Variants in WAS observed in about 807,000 individuals in gnomAD.
WAS encodes WASP actin nucleation promoting factor, also known as actin nucleation-promoting factor WAS.
A neutral mutation model predicts 38.9 loss-of-function variants in WAS; 1 was observed. The observed-to-expected ratio is 0.03, with a 90% CI of 0.01 to 0.12. WAS has a LOEUF of 0.12. Ranked by LOEUF, WAS falls within the 10% of genes least tolerant of loss-of-function variation. WAS has a pLI of 1.00. For synonymous variants in WAS, 182 were observed against 173.6 expected, an observed-to-expected ratio of 1.05 and a Z score of -0.38; for missense variants, 311 against 431.2, an observed-to-expected ratio of 0.72 and a Z score of 2.47.
intron 10 of WAS, 30 bp downstream of exon 10, chrX:48,689,096 G>C (rs1569494096): frequency 1.7e-6 from 2 of 1,178,425 alleles, no homozygotes; most frequent in South Asian, 3.6e-5. Context: ...AGGATTGGGG[G>C]TCTAGGACTC....
At position 48,686,775 on chromosome X, in the gene WAS, CCA is replaced by C. The variant is rs782202951; in HGVS notation, c.560-3_560-2del. 7 of 1,210,790 alleles carry C rather than the reference CCA, an allele frequency of 5.8e-6. No homozygotes were observed. In the South Asian group the frequency reaches 1.1e-4, roughly 18 times the overall value. On this transcript the variant is annotated splice_region_variant and splice_polypyrimidine_tract_variant and intron_variant, in intron 6 of 11. Transcript: ENST00000376701. ...CAATGAGCCAACCACCCTATTTTCC[CCA>C]CAGGCCCTCCAGTGGGTCCGCTCTC...
At chrX:48,689,206 G>T in intron 10 of WAS, 114 bp from the exon 11 acceptor site, 1 of 955,428 alleles carries the variant, frequency 1.0e-6, no homozygotes. Flanking sequence ...AAGGTTGGTG[G>T]GAAGCCTTGA....
intron 7 of WAS, 140 bp downstream of exon 7, chrX:48,687,095 G>T: frequency 1.3e-6 from 1 of 795,208 alleles, no homozygotes; most frequent in African/African-American, 2.0e-5. Flanking sequence ...GGTTGGATAG[G>T]TAGGTGCAGG....
chrX:48,676,781 T>C (rs2062392020), intron 1 of WAS: 1 of 112,110 alleles, frequency 8.9e-6, no homozygotes, highest in South Asian at 3.6e-4. Context: ...TCCCCAGTGG[T>C]GCGGCCCCGG....
rs782752881 is a variant in WAS, at chrX:48,688,669, C to T, written c.941C>T (p.Pro314Leu). ...TATACCCCCTCCACAGAGCCACTTCCGCCGCCCCCACCGCCATCTCGAGGA... is the reference window on the plus strand; with the variant it reads ...TATACCCCCTCCACAGAGCCACTTCTGCCGCCCCCACCGCCATCTCGAGGA... ...RQEMRRQEPL[P>L]PPPPPSRGGN... Residue 314 changes from proline to leucine, a missense_variant, in exon 10 of 12, where the codon CCG becomes CTG. By Grantham distance (98) the Pro-to-Leu change is moderately conservative. Around this residue, in one of 4 missense-constraint regions of WAS, gnomAD observed 74 missense variants for 131.2 expected, o/e 0.56. Transcript: ENST00000376701. 17 of 1,203,301 alleles carry T rather than the reference C, an allele frequency of 1.4e-5. No individual in the cohort carries two copies. In the South Asian group the frequency reaches 1.8e-4, roughly 13 times the overall value.
chrX:48,677,885 G>A (rs782073062), intron 1 of WAS, among the ~76,000 whole-genome samples: 1 of 111,784 alleles, frequency 8.9e-6, no homozygotes, highest in African/African-American at 3.2e-5. Flanking sequence ...TCACAGCATA[G>A]CTATCCAGAC....
Position 48,684,408 on chromosome X carries a change from C to T in WAS, c.258C>T (p.Arg86=), listed in dbSNP as rs1255975476. Residue 86 remains arginine (R), a synonymous_variant, in exon 2 of 12, where the codon CGC becomes CGT. Coordinates refer to ENST00000376701, the MANE Select transcript of WAS (RefSeq NM_000377.3). ...ACCCCCAGAAGTCCTACTTCATCCGCCTTTACGGCCTTCAGGTGACCCCCC... is the reference window on the plus strand; with the variant it reads ...ACCCCCAGAAGTCCTACTTCATCCGTCTTTACGGCCTTCAGGTGACCCCCC... ...KDNPQKSYFI[R]LYGLQAGRLL... 1 of 1,206,142 alleles carries T rather than the reference C, an allele frequency of 8.3e-7. No individual in the cohort carries two copies. Among genetic ancestry groups the T allele is most frequent in the Non-Finnish European group, 1.1e-6 (1 of 893,688 alleles).
At chrX:48,689,494 C>CA in intron 11 of WAS, 60 bp downstream of exon 11, 1 of 984,082 alleles carries the variant, frequency 1.0e-6, no homozygotes, top group Non-Finnish European at 1.4e-6. Flanking sequence ...GGCCTCAAAA[C>CA]AATCCCAGCA....
rs144372473 is a variant in WAS at position 48,683,883 on chromosome X, C to T, written c.30C>T (p.Pro10=). The T allele has an allele frequency of 3.7e-5, 45 of 1,209,437 alleles. No individual in the cohort carries two copies. The highest frequency in any genetic ancestry group is 5.3e-5 in the African/African-American group (3 of 57,034). MSGGPMGGR[P]GGRGAPAVQQ... The stretch of plus-strand genomic sequence containing the variant: ...GTGGGGGCCCAATGGGAGGAAGGCC[C>T]GGGGGCCGAGGAGCACCAGCGGTTC... The change falls in exon 1 of 12, where the codon CCC becomes CCT. Residue 10 remains proline, a synonymous_variant. Coordinates refer to ENST00000376701, the MANE Select transcript of WAS (RefSeq NM_000377.3).
upstream of WAS, among the ~76,000 whole-genome samples, chrX:48,681,184 T>C (rs1352020244): frequency 9.0e-6 from 1 of 111,427 alleles, no homozygotes; most frequent in African/African-American, 3.3e-5. Flanking sequence ...TTGTGTTTTT[T>C]TTTGAGATGG....
upstream of WAS, among the ~76,000 whole-genome samples, chrX:48,681,194 G>A (rs73209755): frequency 0.032 from 3,505 of 111,132 alleles, 51 homozygotes; most frequent in Non-Finnish European, 0.048. Flanking sequence ...TTTTGAGATG[G>A]AGTCTTGCTC....
At chrX:48,684,542 C>T in intron 2 of WAS, 119 bp downstream of exon 2, 1 of 981,811 alleles carries the variant, frequency 1.0e-6, no homozygotes, top group Non-Finnish European at 1.4e-6. Flanking sequence ...TCCCTGAGCC[C>T]CAGAACCAAA....
chrX:48,688,911 C>T lies in WAS; in HGVS notation c.1183C>T (p.Pro395Ser). The change falls in exon 10 of 12, where the codon CCA becomes TCA. Residue 395 changes from proline (P) to serine (S), a missense_variant. Pro to Ser is a moderately conservative substitution (Grantham distance 74). Coordinates refer to ENST00000376701, the MANE Select transcript of WAS (RefSeq NM_000377.3). ...PPGAGGPPMP[P>S]PPPPPPPPPS... ...TGGAGCTGGTGGGCCACCCATGCCA[C>T]CACCACCGCCACCACCGCCACCGCC... is the stretch of plus-strand genomic sequence containing the variant. The T allele has an allele frequency of 8.7e-7, 1 of 1,151,210 alleles. No homozygotes were observed. The highest frequency in any genetic ancestry group is 1.2e-6 in the Non-Finnish European group (1 of 864,770). The allele number at this position is 1,151,210 out of a possible 1,213,427, so 94.9% of individuals were successfully genotyped here.
chrX:48,689,256 G>A, intron 10 of WAS, 64 bp from the exon 11 acceptor site: 1 of 1,026,202 alleles, frequency 9.7e-7, no homozygotes, highest in East Asian at 3.3e-5. Context: ...ATTGATGGAG[G>A]GGCGGGGAGA....
chrX:48,680,714 C>CT (rs1380007109), upstream of WAS, among the ~76,000 whole-genome samples: 2 of 111,896 alleles, frequency 1.8e-5, no homozygotes, highest in Non-Finnish European at 3.8e-5. Flanking sequence ...TTGCCCACCC[C>CT]TTTCCTGGAA....
At chrX:48,685,081 A>G (rs1175891564) in intron 2 of WAS, among the ~76,000 whole-genome samples, 1 of 110,991 alleles carries the variant, frequency 9.0e-6, no homozygotes, top group East Asian at 2.8e-4. Context: ...CTCCTAAACC[A>G]TAACTCTCTC....
chrX:48,680,026 A>G (rs1285292214), upstream of WAS, among the ~76,000 whole-genome samples: 2 of 111,450 alleles, frequency 1.8e-5, no homozygotes, highest in Non-Finnish European at 3.8e-5. Flanking sequence ...CCCAAAGGAA[A>G]AAGACTGCAG....
intron 10 of WAS, 70 bp downstream of exon 10, chrX:48,689,136 G>C (rs948156852): frequency 3.7e-6 from 4 of 1,091,882 alleles, no homozygotes; most frequent in Admixed American, 4.5e-5. Context: ...CAGGATACTG[G>C]GGGGCTGAGG....
Position 48,688,910 on chromosome X carries a change from A to G in WAS, c.1182A>G (p.Pro394=), listed in dbSNP as rs1557007260. Residue 394 remains proline (P), a synonymous_variant, in exon 10 of 12, where the codon CCA becomes CCG. Transcript: ENST00000376701. Reference sequence around the variant, plus strand: ...CTGGAGCTGGTGGGCCACCCATGCCACCACCACCGCCACCACCGCCACCGC... The same window carrying G: ...CTGGAGCTGGTGGGCCACCCATGCCGCCACCACCGCCACCACCGCCACCGC... ...PPPGAGGPPM[P]PPPPPPPPPP... 8.9e-7 allele frequency: 1 copy of G among 1,127,311 alleles called. No homozygotes were observed. Among genetic ancestry groups the G allele is most frequent in the African/African-American group, 1.9e-5 (1 of 51,642 alleles). The allele number at this position is 1,127,311 out of a possible 1,213,427, so 92.9% of individuals were successfully genotyped here.
Sources: allele counts gnomAD v4.1 joint callset (sites outside exome capture counted in the v4.1 genomes callset), GRCh38; gene constraint gnomAD v4.1.1; regional missense constraint gnomAD v4.1.1; transcripts MANE v1.5; gene names NCBI Gene and HGNC (gene_info 2026-07-23, HGNC 2026-07-21).